The following CTNNA3 variants were observed in gnomAD, a reference collection of about 807,000 sequenced individuals.
CTNNA3 encodes the protein catenin alpha 3.
CTNNA3 carries 76 observed loss-of-function variants against 95.7 expected under a neutral mutation model. The ratio of observed to expected loss-of-function variants is 0.79; its 90% CI spans 0.66 to 0.96. CTNNA3 has a LOEUF of 0.96. CTNNA3 is among the 40% of genes least tolerant of loss of function. The pLI is 0.00. For synonymous variants in CTNNA3, 431 were observed against 374.4 expected (o/e 1.15, Z -1.74); for missense variants, 1,191 against 1,089.8 (o/e 1.09, Z -1.31).
chr10:67,555,346 G>A (rs528209118), intron 3 of CTNNA3, among the ~76,000 whole-genome samples: 1 of 152,290 alleles, frequency 6.6e-6, no homozygotes, highest in Non-Finnish European at 1.5e-5. Context: ...ACCTTGGGCA[G>A]TATGGCCATT....
intron 11 of CTNNA3, among the ~76,000 whole-genome samples, chr10:66,493,187 A>C (rs1481283828): frequency 1.3e-5 from 2 of 152,202 alleles, no homozygotes; most frequent in Non-Finnish European, 2.9e-5. Context: ...ATGGTGATAC[A>C]ATTACAAAAC....
At chr10:66,655,777 C>T (rs2394270) in intron 9 of CTNNA3, among the ~76,000 whole-genome samples, 91,204 of 151,726 alleles carry the variant, frequency 0.6, 27,958 homozygotes, top group East Asian at 0.95. Flanking sequence ...AGAAGAATTG[C>T]CAAAGAGCAT....
rs148902242 is a variant in CTNNA3 at position 66,424,497 on chromosome 10, A to C, written c.1532-45145T>G. ...GTTGCATTCCACAGGTTGTGAAATG[A>C]ATTCTCATTGTCTTGCAATATATTT... On this transcript the variant is annotated intron_variant, in intron 11 of 17. Transcript: ENST00000433211. 6.9e-3 allele frequency among the ~76,000 whole-genome samples: 1,048 copies of C among 152,160 alleles called. 10 individuals are homozygous for C. The highest frequency in any genetic ancestry group is 0.024 in the African/African-American group (998 of 41,560).
chr10:67,412,274 T>A (rs1265014519), intron 5 of CTNNA3, among the ~76,000 whole-genome samples: 4 of 152,278 alleles, frequency 2.6e-5, no homozygotes, highest in Admixed American at 2.6e-4. Context: ...TGCCTTCTTG[T>A]TTCATGCATT....
At chr10:67,194,522 A>G (rs1223609543) in intron 6 of CTNNA3, among the ~76,000 whole-genome samples, 1 of 151,094 alleles carries the variant, frequency 6.6e-6, no homozygotes, top group Non-Finnish European at 1.5e-5. Context: ...GGGAAAAACT[A>G]TGGAGACAGT....
chr10:66,088,245 T>C (rs1367030897), intron 14 of CTNNA3, among the ~76,000 whole-genome samples: 3 of 152,056 alleles, frequency 2.0e-5, no homozygotes, highest in African/African-American at 7.2e-5. Flanking sequence ...ATTTTAAGAC[T>C]ATTCTTGTAG....
chr10:66,234,284 T>A (rs1262757969), intron 13 of CTNNA3, among the ~76,000 whole-genome samples: 1 of 152,174 alleles, frequency 6.6e-6, no homozygotes, highest in Non-Finnish European at 1.5e-5. Flanking sequence ...AATATATATA[T>A]TTGGTCATAA....
intron 14 of CTNNA3, among the ~76,000 whole-genome samples, chr10:66,072,094 A>G (rs2080448933): frequency 6.6e-6 from 1 of 152,228 alleles, no homozygotes; most frequent in Non-Finnish European, 1.5e-5. Flanking sequence ...CATGAATACT[A>G]CATAAACAAA....
At chr10:66,967,570 T>C (rs1413935943) in intron 7 of CTNNA3, among the ~76,000 whole-genome samples, 3 of 152,026 alleles carry the variant, frequency 2.0e-5, no homozygotes, top group Admixed American at 6.6e-5. Context: ...TTAAGCAGTA[T>C]GCAAATGATA....
chr10:67,294,074 A>G (rs1839940320), intron 5 of CTNNA3, among the ~76,000 whole-genome samples: 1 of 152,134 alleles, frequency 6.6e-6, no homozygotes, highest in Admixed American at 6.6e-5. Flanking sequence ...CTTATCTAAT[A>G]CCAGTCAAAG....
chr10:66,578,542 A>T (rs978040634), intron 10 of CTNNA3, among the ~76,000 whole-genome samples: 1 of 151,966 alleles, frequency 6.6e-6, no homozygotes, highest in Non-Finnish European at 1.5e-5. Context: ...GTTCAACTGT[A>T]TCAAAGGCTA....
At chr10:67,633,231 T>A (rs1164376548) in intron 2 of CTNNA3, among the ~76,000 whole-genome samples, 1 of 151,788 alleles carries the variant, frequency 6.6e-6, no homozygotes, top group Non-Finnish European at 1.5e-5. Flanking sequence ...CCCTGATCTC[T>A]CCCTGGGATG....
At chr10:66,550,096 G>T (rs1842168994) in intron 10 of CTNNA3, among the ~76,000 whole-genome samples, 1 of 151,934 alleles carries the variant, frequency 6.6e-6, no homozygotes, top group Non-Finnish European at 1.5e-5. Context: ...ATCAATTTAT[G>T]CTCCATAAAT....
chr10:66,157,482 G>A (rs536680301), intron 13 of CTNNA3, among the ~76,000 whole-genome samples: 2 of 124,784 alleles, frequency 1.6e-5, no homozygotes, highest in African/African-American at 6.2e-5. Context: ...ATGATAGATA[G>A]ATAGATATGT....
At chr10:66,218,103 T>C (rs1176978547) in intron 13 of CTNNA3, among the ~76,000 whole-genome samples, 1 of 152,168 alleles carries the variant, frequency 6.6e-6, no homozygotes, top group African/African-American at 2.4e-5. Flanking sequence ...TGCTGAAAGT[T>C]CCTCTTTCCT....
intron 5 of CTNNA3, among the ~76,000 whole-genome samples, chr10:67,248,975 T>C (rs1427454520): frequency 2.6e-5 from 4 of 152,114 alleles, no homozygotes; most frequent in Non-Finnish European, 5.9e-5. Flanking sequence ...ATATAAGAGC[T>C]AAAACTATAA....
At chr10:66,766,059 A>C in intron 9 of CTNNA3, 1 of 445,006 alleles carries the variant, frequency 2.2e-6, no homozygotes. Flanking sequence ...AAGCTCTAAT[A>C]AAATATGTGT....
intron 7 of CTNNA3, among the ~76,000 whole-genome samples, chr10:66,895,389 T>G (rs189623430): frequency 7.2e-5 from 11 of 152,276 alleles, no homozygotes; most frequent in East Asian, 1.9e-4. Flanking sequence ...ACTCAAACTT[T>G]TATGAAGTAG....
chr10:67,313,561 T>C (rs941934163), intron 5 of CTNNA3, among the ~76,000 whole-genome samples: 10 of 152,116 alleles, frequency 6.6e-5, no homozygotes, highest in East Asian at 1.9e-4. Context: ...CAGAGAGTCA[T>C]TGAATAATTT....
Sources: allele counts gnomAD v4.1 joint callset (sites outside exome capture counted in the v4.1 genomes callset), GRCh38; gene constraint gnomAD v4.1.1; transcripts MANE v1.5; gene names NCBI Gene and HGNC (gene_info 2026-07-23, HGNC 2026-07-21).